Variants in SCMH1 observed in about 807,000 individuals in gnomAD.
The protein encoded by SCMH1 is polycomb protein SCMH1.
SCMH1 carries 37 observed loss-of-function variants against 70.8 expected under a neutral mutation model. That is an observed-to-expected ratio of 0.52 (90% CI 0.40 to 0.69). The LOEUF (loss-of-function observed/expected upper bound fraction) is 0.69. SCMH1 is among the 30% of genes least tolerant of loss of function. The pLI is 0.00. For synonymous variants in SCMH1, 292 were observed against 307.4 expected (o/e 0.95, Z 0.52); for missense variants, 607 against 827.3 (o/e 0.73, Z 3.27).
intron 1 of SCMH1, among the ~76,000 whole-genome samples, chr1:41,229,603 T>TG (rs1660921483): frequency 6.6e-6 from 1 of 151,964 alleles, no homozygotes. Flanking sequence ...GGTAGAGGGC[T>TG]GGGGGAGGGA....
At chr1:41,090,876 A>G (rs1214627957) in intron 8 of SCMH1, among the ~76,000 whole-genome samples, 2 of 151,952 alleles carry the variant, frequency 1.3e-5, no homozygotes, top group African/African-American at 4.8e-5. Flanking sequence ...CATCTCTACT[A>G]AAAATACAAA....
chr1:41,089,881 T>A (rs1183677701), intron 8 of SCMH1, among the ~76,000 whole-genome samples: 1 of 139,846 alleles, frequency 7.2e-6, no homozygotes, highest in Non-Finnish European at 1.5e-5. Flanking sequence ...AACCTCTACC[T>A]CCCAGGTTCA....
chr1:41,072,744 T>C (rs983716149), intron 9 of SCMH1, among the ~76,000 whole-genome samples: 15 of 152,156 alleles, frequency 9.9e-5, no homozygotes, highest in African/African-American at 3.6e-4. Flanking sequence ...CACATGCCTA[T>C]AGTCCCAGCT....
intron 4 of SCMH1, among the ~76,000 whole-genome samples, chr1:41,159,377 TA>T (rs1645831320): frequency 6.6e-6 from 1 of 152,218 alleles, no homozygotes; most frequent in Non-Finnish European, 1.5e-5. Flanking sequence ...CTACAATTGT[TA>T]TTATCATTCA....
At chr1:41,122,074 C>T (rs1257196147) in intron 6 of SCMH1, among the ~76,000 whole-genome samples, 1 of 152,200 alleles carries the variant, frequency 6.6e-6, no homozygotes, top group Non-Finnish European at 1.5e-5. Flanking sequence ...CAGCCCTCTA[C>T]TTTTGCAGCC....
chr1:41,208,323 G>A (rs1656083487), intron 1 of SCMH1, among the ~76,000 whole-genome samples: 1 of 131,452 alleles, frequency 7.6e-6, no homozygotes, highest in African/African-American at 2.9e-5. Flanking sequence ...TATACCTAAT[G>A]CTAGATGACA....
rs1001531152 is a variant in SCMH1 at position 41,180,360 on chromosome 1, G to A, written c.13+5761C>T. 3.1e-4 allele frequency among the ~76,000 whole-genome samples: 47 copies of A among 152,256 alleles called. 1 individual carries two copies. The Middle Eastern group carries it at 0.01, about 33-fold the overall frequency. On this transcript the variant is annotated intron_variant, in intron 2 of 14. Transcript: ENST00000337495. ...ATTCAACATAGTGTTGGAAGTTCTG[G>A]CCAGGGCAATCAGACAGGAGAAGGA...
chr1:41,040,891 A>C (rs1646057263), intron 12 of SCMH1, among the ~76,000 whole-genome samples: 1 of 144,444 alleles, frequency 6.9e-6, no homozygotes, highest in African/African-American at 2.4e-5. Flanking sequence ...AACAAAAAAC[A>C]AAAACAAAAC....
intron 6 of SCMH1, among the ~76,000 whole-genome samples, chr1:41,139,926 C>A (rs529990706): frequency 1.3e-5 from 2 of 152,066 alleles, no homozygotes; most frequent in South Asian, 4.2e-4. Context: ...AGCAATTCCA[C>A]AAAATAAAAC....
chr1:41,101,095 G>A (rs988966516), intron 8 of SCMH1, among the ~76,000 whole-genome samples: 20 of 151,820 alleles, frequency 1.3e-4, no homozygotes, highest in Admixed American at 3.9e-4. Flanking sequence ...CAAAAATAGC[G>A]GGGAAAAAAA....
At chr1:41,044,472 G>A (rs1279389551) in intron 12 of SCMH1, among the ~76,000 whole-genome samples, 1 of 152,106 alleles carries the variant, frequency 6.6e-6, no homozygotes, top group Non-Finnish European at 1.5e-5. Flanking sequence ...CAAGCAGGCA[G>A]AAAGGATACA....
At chr1:41,142,765 A>G (rs987901512) in intron 6 of SCMH1, 113 bp downstream of exon 6, 23 of 852,696 alleles carry the variant, frequency 2.7e-5, no homozygotes, top group Non-Finnish European at 3.8e-5. Context: ...AGGAGACTAT[A>G]TGAAAAATAA....
intron 6 of SCMH1, among the ~76,000 whole-genome samples, chr1:41,117,647 T>C (rs1670851941): frequency 6.6e-6 from 1 of 152,192 alleles, no homozygotes; most frequent in Non-Finnish European, 1.5e-5. Flanking sequence ...CTAGTTCGCC[T>C]TCATGTTCCA....
At chr1:41,070,870 C>G (rs1376185561) in intron 9 of SCMH1, 149 bp from the exon 10 acceptor site, 21 of 937,568 alleles carry the variant, frequency 2.2e-5, no homozygotes, top group Admixed American at 1.9e-4. Flanking sequence ...TGGCTTAAAG[C>G]TATACATATA....
intron 1 of SCMH1, among the ~76,000 whole-genome samples, chr1:41,217,426 C>T (rs1573153351): frequency 6.6e-6 from 1 of 152,142 alleles, no homozygotes; most frequent in Admixed American, 6.5e-5. Flanking sequence ...AAAAAAGGAA[C>T]AGCACTTGGT....
chr1:41,191,683 T>G (rs1651744369), intron 1 of SCMH1, among the ~76,000 whole-genome samples: 1 of 152,208 alleles, frequency 6.6e-6, no homozygotes, highest in South Asian at 2.1e-4. Flanking sequence ...TTTGGTATAC[T>G]TCTATTGGCA....
At chr1:41,049,874 G>A (rs1472720472) in intron 10 of SCMH1, among the ~76,000 whole-genome samples, 1 of 151,914 alleles carries the variant, frequency 6.6e-6, no homozygotes, top group Non-Finnish European at 1.5e-5. Flanking sequence ...GACCAGCCTG[G>A]GCAATACAGT....
At chr1:41,096,981 C>T (rs531499577) in intron 8 of SCMH1, among the ~76,000 whole-genome samples, 1 of 152,176 alleles carries the variant, frequency 6.6e-6, no homozygotes, top group Non-Finnish European at 1.5e-5. Context: ...TGGGGCCCTT[C>T]AGTTCTGCTC....
intron 13 of SCMH1, among the ~76,000 whole-genome samples, chr1:41,029,318 T>C (rs933040025): frequency 3.3e-5 from 5 of 152,172 alleles, no homozygotes; most frequent in Non-Finnish European, 7.4e-5. Context: ...GTTCAAGCAA[T>C]TGTCCTGCCT....
Sources: allele counts gnomAD v4.1 joint callset (sites outside exome capture counted in the v4.1 genomes callset), GRCh38; gene constraint gnomAD v4.1.1; transcripts MANE v1.5; gene names NCBI Gene and HGNC (gene_info 2026-07-23, HGNC 2026-07-21).